ARHGAP44: variants seen among roughly 807,000 people sequenced by gnomAD.
The protein encoded by ARHGAP44 is Rho GTPase activating protein 44.
ARHGAP44 carries 43 observed loss-of-function variants against 106.8 expected under a neutral mutation model. The observed-to-expected ratio is 0.40, with a 90% CI of 0.32 to 0.52. ARHGAP44 has a LOEUF of 0.52. Among genes scored for constraint, ARHGAP44 ranks in the 20% least tolerant of loss-of-function variants. The pLI is 0.48. For synonymous variants in ARHGAP44, 439 were observed against 410.3 expected, an observed-to-expected ratio of 1.07 and a Z score of -0.85; for missense variants, 866 against 1,050.5, an observed-to-expected ratio of 0.82 and a Z score of 2.43.
chr17:12,984,926 T>TC lies in ARHGAP44; in HGVS notation c.2317+21dup, dbSNP rs763876153. 6.3e-7 allele frequency: 1 copy of TC among 1,578,434 alleles called. No individual in the cohort carries two copies. Among genetic ancestry groups the TC allele is most frequent in the Non-Finnish European group, 8.6e-7 (1 of 1,160,676 alleles). On this transcript the variant is annotated intron_variant, in intron 20 of 20. Transcript: ENST00000379672. ...GTCTACAGGTAACCAAGCCACAGGC[T>TC]CCCTCACTTTTTTTTATGAACTTTA...
chr17:12,852,758 G>T (rs1217818641), intron 1 of ARHGAP44, among the ~76,000 whole-genome samples: 5 of 151,912 alleles, frequency 3.3e-5, no homozygotes, highest in Non-Finnish European at 7.4e-5. Context: ...AGCCAGAATG[G>T]TCTTGATCTC....
intron 1 of ARHGAP44, among the ~76,000 whole-genome samples, chr17:12,828,636 C>CTTT (rs34860101): frequency 0.015 from 1,428 of 93,164 alleles, 92 homozygotes; most frequent in African/African-American, 0.053. Context: ...TTTTTTCTTT[C>CTTT]TTTTTTTTTT....
intron 1 of ARHGAP44, among the ~76,000 whole-genome samples, chr17:12,876,669 C>G (rs1458200594): frequency 3.3e-5 from 5 of 151,854 alleles, no homozygotes; most frequent in South Asian, 2.1e-4. Context: ...AATCCCAGCA[C>G]TTTGGGAGGC....
intron 16 of ARHGAP44, among the ~76,000 whole-genome samples, chr17:12,965,085 C>T (rs530996857): frequency 2.0e-5 from 3 of 152,162 alleles, no homozygotes; most frequent in East Asian, 1.9e-4. Context: ...TCTAGCCTCT[C>T]GTAGCCTGAA....
intron 10 of ARHGAP44, among the ~76,000 whole-genome samples, chr17:12,946,016 C>T (rs1382712402): frequency 6.6e-6 from 1 of 152,166 alleles, no homozygotes; most frequent in African/African-American, 2.4e-5. Context: ...ACCTCGGCCT[C>T]CCAAAGTGCT....
At chr17:12,798,449 C>T (rs2033990790) in intron 1 of ARHGAP44, among the ~76,000 whole-genome samples, 1 of 152,068 alleles carries the variant, frequency 6.6e-6, no homozygotes, top group African/African-American at 2.4e-5. Context: ...TGACATCACT[C>T]AATAATTTAT....
In ARHGAP44 at chr17:12,926,421, TG is replaced by T. The variant is rs1452639556; in HGVS notation, c.465-2507del. On this transcript the variant is annotated intron_variant, in intron 6 of 20. Coordinates refer to ENST00000379672, the MANE Select transcript of ARHGAP44 (RefSeq NM_014859.6). ...ATATATTGTATATATATAATATATA[TG>T]TATATATAATATATATGTATATACA... Among the ~76,000 whole-genome samples, 18 of 140,094 alleles carry T rather than the reference TG, an allele frequency of 1.3e-4. No individual in the cohort carries two copies. In the East Asian group the frequency reaches 1.3e-3, roughly 10 times the overall value. 91.9% of individuals were successfully genotyped at this position (140,094 alleles called of 152,430 possible).
Position 12,929,032 on chromosome 17 carries a change from G to A in ARHGAP44, c.568G>A (p.Val190Met). 2 of 1,612,274 alleles carry A rather than the reference G, an allele frequency of 1.2e-6. No individual in the cohort carries two copies. The highest frequency in any genetic ancestry group is 1.7e-6 in the Non-Finnish European group (2 of 1,179,162). The change falls in exon 7 of 21, where the codon GTG becomes ATG. Residue 190 changes from valine to methionine, a missense_variant. By Grantham distance (21) the Val-to-Met change is conservative. Transcript: ENST00000379672. ...REEMEEAANR[V>M]EICRDQLSAD... ...AGAAATGGAAGAGGCTGCCAACAGAGTGGAGATTTGCAGGGTACCTGCCCT... is the reference window on the plus strand; with the variant it reads ...AGAAATGGAAGAGGCTGCCAACAGAATGGAGATTTGCAGGGTACCTGCCCT...
chr17:12,844,057 T>C (rs1484962465), intron 1 of ARHGAP44, among the ~76,000 whole-genome samples: 1 of 152,186 alleles, frequency 6.6e-6, no homozygotes, highest in Admixed American at 6.5e-5. Context: ...TTTTTTAGCC[T>C]TACGTGGACT....
chr17:12,820,585 C>G (rs1348162097), intron 1 of ARHGAP44, among the ~76,000 whole-genome samples: 8 of 152,050 alleles, frequency 5.3e-5, no homozygotes, highest in African/African-American at 1.9e-4. Flanking sequence ...TGGATCTTGT[C>G]CTTGAGGAAC....
intron 1 of ARHGAP44, among the ~76,000 whole-genome samples, chr17:12,878,488 C>T (rs1430362679): frequency 6.6e-6 from 1 of 152,168 alleles, no homozygotes; most frequent in African/African-American, 2.4e-5. Flanking sequence ...ATCTACACAG[C>T]GCCTGTCATC....
intron 10 of ARHGAP44, 22 bp downstream of exon 10, chr17:12,944,218 CGCCGCCCCGG>C (rs1567700552): frequency 6.3e-7 from 1 of 1,577,836 alleles, no homozygotes; most frequent in African/African-American, 1.3e-5. Flanking sequence ...CACAGCCACA[CGCCGCCCCGG>C]GCAGGTCTCC....
intron 7 of ARHGAP44, among the ~76,000 whole-genome samples, chr17:12,930,387 C>T (rs533129035): frequency 6.6e-6 from 1 of 152,208 alleles, no homozygotes; most frequent in African/African-American, 2.4e-5. Flanking sequence ...GTGCACACAA[C>T]CACGCTTGGC....
intron 1 of ARHGAP44, among the ~76,000 whole-genome samples, chr17:12,834,214 C>T (rs1473941848): frequency 1.3e-5 from 2 of 152,122 alleles, no homozygotes; most frequent in Non-Finnish European, 2.9e-5. Context: ...TCTCCCCTCT[C>T]CACCGTCCAC....
At chr17:12,989,982 A>G in intron 20 of ARHGAP44, 50 bp from the exon 21 acceptor site, 1 of 1,586,424 alleles carries the variant, frequency 6.3e-7, no homozygotes, top group Admixed American at 1.7e-5. Flanking sequence ...CTAGGTTCTC[A>G]TTTGCCGGGA....
intron 1 of ARHGAP44, among the ~76,000 whole-genome samples, chr17:12,827,920 T>A (rs994660116): frequency 6.6e-6 from 1 of 150,532 alleles, no homozygotes; most frequent in Non-Finnish European, 1.5e-5. Flanking sequence ...ACGCCTGTAG[T>A]CCCAGCTACT....
chr17:12,850,768 T>A (rs2035717783), intron 1 of ARHGAP44, among the ~76,000 whole-genome samples: 1 of 152,206 alleles, frequency 6.6e-6, no homozygotes, highest in Non-Finnish European at 1.5e-5. Flanking sequence ...CACAGGTATT[T>A]TGTGTTCACT....
chr17:12,881,327 A>G lies in ARHGAP44; in HGVS notation c.54-13613A>G, dbSNP rs1044517167. 5.9e-5 allele frequency among the ~76,000 whole-genome samples: 9 copies of G among 151,984 alleles called. No individual in the cohort carries two copies. The East Asian group carries it at 1.7e-3, about 29-fold the overall frequency. On this transcript the variant is annotated intron_variant, in intron 1 of 20. Coordinates refer to ENST00000379672, the MANE Select transcript of ARHGAP44 (RefSeq NM_014859.6). ...ACATTTAAGTCTTTAATTCATTGGT[A>G]TTTGACTTTTGTGTACCGTGTAGAG... is the stretch of plus-strand genomic sequence containing the variant.
At chr17:12,976,974 G>A (rs1446416082) in intron 18 of ARHGAP44, among the ~76,000 whole-genome samples, 2 of 151,972 alleles carry the variant, frequency 1.3e-5, no homozygotes, top group Admixed American at 6.6e-5. Context: ...AGGGGACTCA[G>A]TGCCATATGG....
Sources: allele counts gnomAD v4.1 joint callset (sites outside exome capture counted in the v4.1 genomes callset), GRCh38; gene constraint gnomAD v4.1.1; transcripts MANE v1.5; gene names NCBI Gene and HGNC (gene_info 2026-07-23, HGNC 2026-07-21).